The following VWA8 variants were observed in gnomAD, a reference collection of about 807,000 sequenced individuals.
The protein encoded by VWA8 is von Willebrand factor A domain containing 8.
A neutral mutation model predicts 241.5 loss-of-function variants in VWA8; 221 were observed. The ratio of observed to expected loss-of-function variants is 0.91; its 90% CI spans 0.82 to 1.02. The LOEUF (loss-of-function observed/expected upper bound fraction) is 1.02. Among genes scored for constraint, VWA8 ranks in the 50% least tolerant of loss-of-function variants. The pLI, the probability that VWA8 is intolerant of heterozygous loss-of-function variation, is 0.00. For synonymous variants in VWA8, 852 were observed against 827.1 expected (o/e 1.03, Z -0.52); for missense variants, 2,322 against 2,328.7 (o/e 1.00, Z 0.06).
At chr13:41,870,397 G>C (rs922706921) in intron 9 of VWA8, among the ~76,000 whole-genome samples, 5 of 152,180 alleles carry the variant, frequency 3.3e-5, no homozygotes, top group Non-Finnish European at 2.9e-5. Context: ...CCAGCACTTT[G>C]GGAGGCAGAG....
intron 10 of VWA8, among the ~76,000 whole-genome samples, chr13:41,867,622 T>C (rs762464760): frequency 1.6e-4 from 25 of 152,228 alleles, no homozygotes; most frequent in Non-Finnish European, 3.5e-4. Context: ...AAACTCATAA[T>C]ATGGAACCTA....
At chr13:41,744,832 T>A (rs561525909) in intron 21 of VWA8, among the ~76,000 whole-genome samples, 17 of 151,858 alleles carry the variant, frequency 1.1e-4, no homozygotes, top group African/African-American at 3.9e-4. Context: ...TATTTATTTT[T>A]ATTTATTTAT....
At chr13:41,910,617 T>C (rs1478702834) in intron 3 of VWA8, among the ~76,000 whole-genome samples, 1 of 150,732 alleles carries the variant, frequency 6.6e-6, no homozygotes, top group African/African-American at 2.4e-5. Flanking sequence ...ACAACAAAAA[T>C]GGCTCTAGAT....
At chr13:41,615,290 T>TA (rs1566388489) in intron 37 of VWA8, among the ~76,000 whole-genome samples, 1 of 152,170 alleles carries the variant, frequency 6.6e-6, no homozygotes, top group African/African-American at 2.4e-5. Context: ...ACTAATTTTT[T>TA]AAAAAACTCT....
intron 17 of VWA8, among the ~76,000 whole-genome samples, chr13:41,807,313 G>A (rs761320075): frequency 2.6e-5 from 4 of 152,050 alleles, no homozygotes; most frequent in Non-Finnish European, 4.4e-5. Flanking sequence ...AATAGAGGAG[G>A]AGGGAATATT....
chr13:41,836,560 C>CATA (rs371018070), intron 12 of VWA8, among the ~76,000 whole-genome samples: 6 of 152,240 alleles, frequency 3.9e-5, no homozygotes, highest in Middle Eastern at 3.4e-3. Flanking sequence ...CTTATACCAA[C>CATA]ATATCTGAAT....
intron 21 of VWA8, among the ~76,000 whole-genome samples, chr13:41,758,599 T>A (rs1046209221): frequency 1.3e-5 from 2 of 149,534 alleles, no homozygotes; most frequent in Non-Finnish European, 3.0e-5. Flanking sequence ...TCTAATGCTT[T>A]TTTTATATGT....
chr13:41,848,801 T>C (rs977671177), intron 12 of VWA8, among the ~76,000 whole-genome samples: 1 of 152,218 alleles, frequency 6.6e-6, no homozygotes, highest in African/African-American at 2.4e-5. Context: ...ATAGTGACTA[T>C]CATTCCTCTC....
Position 41,883,381 on chromosome 13 carries a change from AC to A in VWA8, c.1080+5del. 6.3e-7 allele frequency: 1 copy of A among 1,598,020 alleles called. No homozygotes were observed. On this transcript the variant is annotated splice_donor_5th_base_variant and intron_variant, in intron 9 of 44. Transcript: ENST00000379310. ...AGAAAGGAAAGAAAGGGAAGCAGACACTCACCTTTAAAACACCTTCCACAGC... is the reference window on the plus strand; with the variant it reads ...AGAAAGGAAAGAAAGGGAAGCAGACATCACCTTTAAAACACCTTCCACAGC...
intron 37 of VWA8, among the ~76,000 whole-genome samples, chr13:41,638,200 T>C (rs1206322277): frequency 6.6e-6 from 1 of 152,184 alleles, no homozygotes; most frequent in Non-Finnish European, 1.5e-5. Context: ...CCTGTTTATA[T>C]CTACGTAAAG....
At chr13:41,711,355 A>G (rs375559588) in intron 26 of VWA8, among the ~76,000 whole-genome samples, 17 of 152,112 alleles carry the variant, frequency 1.1e-4, no homozygotes, top group South Asian at 2.1e-4. Flanking sequence ...TTTGAACCCA[A>G]TCTACAGAAA....
chr13:41,604,222 T>C (rs536786181), intron 40 of VWA8, among the ~76,000 whole-genome samples: 6 of 152,324 alleles, frequency 3.9e-5, no homozygotes, highest in African/African-American at 1.4e-4. Context: ...AATGAGTGAC[T>C]ATGTAAGAAG....
At chr13:41,704,457 T>C (rs921856645) in intron 26 of VWA8, among the ~76,000 whole-genome samples, 5 of 101,082 alleles carry the variant, frequency 4.9e-5, no homozygotes, top group African/African-American at 1.5e-4. Context: ...TTTTTTTAAG[T>C]CTTCACTTTT....
intron 20 of VWA8, among the ~76,000 whole-genome samples, chr13:41,770,333 C>T (rs1029314931): frequency 2.0e-5 from 3 of 150,298 alleles, no homozygotes; most frequent in Admixed American, 6.7e-5. Context: ...CCCAGCTACT[C>T]GGGAGGCTTA....
intron 40 of VWA8, among the ~76,000 whole-genome samples, chr13:41,598,734 T>G (rs1287795459): frequency 1.3e-5 from 2 of 152,098 alleles, no homozygotes; most frequent in Non-Finnish European, 2.9e-5. Flanking sequence ...TCCACTATCC[T>G]GTGGCATTCA....
intron 17 of VWA8, among the ~76,000 whole-genome samples, chr13:41,801,280 A>C (rs965930755): frequency 4.6e-5 from 7 of 152,162 alleles, no homozygotes; most frequent in Non-Finnish European, 8.8e-5. Context: ...TATTTCCTAT[A>C]CTTATTCATT....
chr13:41,842,384 C>A (rs976525083), intron 12 of VWA8, among the ~76,000 whole-genome samples: 1 of 152,182 alleles, frequency 6.6e-6, no homozygotes, highest in African/African-American at 2.4e-5. Context: ...CTATTTTTAA[C>A]CTGTAGCACA....
intron 15 of VWA8, among the ~76,000 whole-genome samples, chr13:41,818,012 G>C (rs889907429): frequency 6.6e-6 from 1 of 151,862 alleles, no homozygotes; most frequent in Non-Finnish European, 1.5e-5. Flanking sequence ...ACTCAGGCTG[G>C]AGTGCAGTGG....
chr13:41,874,645 T>C (rs9525550), intron 9 of VWA8, among the ~76,000 whole-genome samples: 34,435 of 152,032 alleles, frequency 0.23, 3,973 homozygotes, highest in East Asian at 0.29. Context: ...TAAAATGAAA[T>C]ATAAATCACA....
Sources: gnomAD v4.1 joint callset for allele counts (sites outside exome capture counted in the v4.1 genomes callset) on GRCh38, gnomAD v4.1.1 for gene constraint, MANE v1.5 for transcripts, NCBI Gene and HGNC (gene_info 2026-07-23, HGNC 2026-07-21) for gene names.